SRPK2: variants seen among roughly 807,000 people sequenced by gnomAD.
The protein encoded by SRPK2 is SRSF protein kinase 2.
In SRPK2, 21 loss-of-function variants were observed where a neutral mutation model predicts 90.8. The ratio of observed to expected loss-of-function variants is 0.23; its 90% confidence interval spans 0.16 to 0.33. SRPK2 has a LOEUF of 0.33. Among genes scored for constraint, SRPK2 ranks in the 10% least tolerant of loss-of-function variants. The probability of loss-of-function intolerance (pLI) is 1.00; values close to 1 mark genes in which losing one functional copy is unlikely to be tolerated. For missense variants in SRPK2, 620 were observed against 869.0 expected (o/e 0.71, Z 3.60); for synonymous variants, 288 against 311.1 (o/e 0.93, Z 0.78).
intron 2 of SRPK2, among the ~76,000 whole-genome samples, chr7:105,208,540 C>T (rs547369873): frequency 7.1e-4 from 108 of 152,044 alleles, no homozygotes; most frequent in Non-Finnish European, 1.0e-3. Context: ...CAGAAAAGAC[C>T]GCAGGTTGTA....
intron 1 of SRPK2, among the ~76,000 whole-genome samples, chr7:105,394,790 T>C (rs1822276431): frequency 6.6e-6 from 1 of 152,198 alleles, no homozygotes; most frequent in African/African-American, 2.4e-5. Flanking sequence ...GGAGCTTACA[T>C]TCTACTGCCA....
chr7:105,390,424 C>T (rs543155695), upstream of SRPK2, among the ~76,000 whole-genome samples: 1 of 151,160 alleles, frequency 6.6e-6, no homozygotes, highest in South Asian at 2.1e-4. Context: ...TTTTGGTTTT[C>T]TTTCTATTTA....
intron 2 of SRPK2, among the ~76,000 whole-genome samples, chr7:105,361,166 T>G (rs1357499872): frequency 6.6e-6 from 1 of 152,132 alleles, no homozygotes; most frequent in Non-Finnish European, 1.5e-5. Flanking sequence ...AGCATTCTTA[T>G]ACACCTATAT....
Position 105,285,658 on chromosome 7 carries a change from A to G in SRPK2, c.72-81873T>C, listed in dbSNP as rs185576235. Among the ~76,000 whole-genome samples the G allele has an allele frequency of 2.6e-5, 4 of 152,246 alleles. No individual in the cohort carries two copies. The East Asian group carries it at 7.7e-4, about 29-fold the overall frequency. On this transcript the variant is annotated intron_variant, in intron 2 of 15. Transcript: ENST00000393651. Reference sequence around the variant, plus strand: ...TTCCCTTGGTGACAAGTGAGTTCACATGAGATCTGATTGTTTAAAAGTATC... The same window carrying G: ...TTCCCTTGGTGACAAGTGAGTTCACGTGAGATCTGATTGTTTAAAAGTATC...
intron 9 of SRPK2, chr7:105,143,846 A>G (rs1327037054): frequency 6.5e-6 from 1 of 153,360 alleles, no homozygotes; most frequent in African/African-American, 2.4e-5. Context: ...AGAAAAAGCT[A>G]CAGCTTTTGT....
chr7:105,317,040 C>T (rs1036342202), intron 2 of SRPK2, among the ~76,000 whole-genome samples: 1 of 152,190 alleles, frequency 6.6e-6, no homozygotes, highest in Admixed American at 6.5e-5. Flanking sequence ...AGAAGAGCAG[C>T]CAAAGCAACT....
At chr7:105,229,763 T>C (rs1303996170) in intron 2 of SRPK2, among the ~76,000 whole-genome samples, 1 of 149,982 alleles carries the variant, frequency 6.7e-6, no homozygotes, top group African/African-American at 2.5e-5. Flanking sequence ...TCAATATTCT[T>C]TCAAGTAAGA....
chr7:105,343,596 C>G (rs1816086502), intron 2 of SRPK2, among the ~76,000 whole-genome samples: 1 of 152,148 alleles, frequency 6.6e-6, no homozygotes, highest in African/African-American at 2.4e-5. Context: ...GCAAAGAACC[C>G]TTGTTCATAC....
chr7:105,136,259 T>G (rs796839076), intron 11 of SRPK2, among the ~76,000 whole-genome samples: 3 of 152,230 alleles, frequency 2.0e-5, no homozygotes, highest in African/African-American at 7.2e-5. Flanking sequence ...GTAAAAGAGA[T>G]TTTGCTTTTC....
At chr7:105,182,569 A>G (rs927191171) in intron 3 of SRPK2, among the ~76,000 whole-genome samples, 2 of 151,112 alleles carry the variant, frequency 1.3e-5, no homozygotes, top group Non-Finnish European at 2.9e-5. Flanking sequence ...CTTGTGTCTC[A>G]GTCTCCCAAG....
In SRPK2 at chr7:105,117,865, G is replaced by A. The variant is rs183444710; in HGVS notation, c.2073C>T (p.Cys691=). The stretch of plus-strand genomic sequence containing the variant: ...AAGAATTCAACCAAGGATGCCGAAG[G>A]CATTCGCCAGCTGAGGCTCGTTTTT... ...VPEKRASAGE[C]LRHPWLNS Residue 691 remains cysteine, a synonymous_variant, in exon 16 of 16, where the codon TGC becomes TGT. Transcript: ENST00000393651. 3.7e-6 allele frequency: 6 copies of A among 1,613,082 alleles called. No homozygotes were observed. In the East Asian group the frequency reaches 1.1e-4, roughly 30 times the overall value.
chr7:105,361,782 C>A (rs532557646), intron 2 of SRPK2, among the ~76,000 whole-genome samples: 180 of 152,210 alleles, frequency 1.2e-3, no homozygotes, highest in African/African-American at 4.0e-3. Flanking sequence ...ATGTAGAAAA[C>A]TGAAACTGGA....
chr7:105,384,419 T>C (rs1445915185), intron 2 of SRPK2, among the ~76,000 whole-genome samples: 2 of 152,184 alleles, frequency 1.3e-5, no homozygotes, highest in Admixed American at 1.3e-4. Context: ...AAGTAGCCTC[T>C]AGGAACTGGC....
intron 3 of SRPK2, among the ~76,000 whole-genome samples, chr7:105,179,879 G>A (rs1363592395): frequency 1.3e-5 from 2 of 149,460 alleles, no homozygotes; most frequent in African/African-American, 4.9e-5. Context: ...CAGCTAACCA[G>A]GGAAGTGAAA....
intron 2 of SRPK2, among the ~76,000 whole-genome samples, chr7:105,309,718 A>G (rs555166729): frequency 1.3e-5 from 2 of 152,292 alleles, no homozygotes; most frequent in East Asian, 3.9e-4. Context: ...AATATCTCCA[A>G]TTTTAAAGCA....
chr7:105,306,910 C>T (rs1811210206), intron 2 of SRPK2, among the ~76,000 whole-genome samples: 1 of 152,164 alleles, frequency 6.6e-6, no homozygotes, highest in Non-Finnish European at 1.5e-5. Context: ...TGGAGACTCA[C>T]ACTTATGGAA....
intron 3 of SRPK2, among the ~76,000 whole-genome samples, chr7:105,175,039 G>C (rs1409788637): frequency 2.0e-5 from 3 of 152,034 alleles, no homozygotes; most frequent in African/African-American, 7.2e-5. Flanking sequence ...CAGCTATTTG[G>C]GATGATGAGG....
intron 6 of SRPK2, among the ~76,000 whole-genome samples, chr7:105,161,949 C>A (rs571249319): frequency 6.6e-6 from 1 of 152,068 alleles, no homozygotes; most frequent in African/African-American, 2.4e-5. Context: ...GGTCTCACTA[C>A]GCTGTGCCAG....
chr7:105,252,528 A>G (rs1802614613), intron 2 of SRPK2, among the ~76,000 whole-genome samples: 1 of 152,224 alleles, frequency 6.6e-6, no homozygotes, highest in Non-Finnish European at 1.5e-5. Flanking sequence ...TCCTTCAATC[A>G]TATTAGCCAC....
Sources: allele counts gnomAD v4.1 joint callset (sites outside exome capture counted in the v4.1 genomes callset), GRCh38; gene constraint gnomAD v4.1.1; transcripts MANE v1.5; gene names NCBI Gene and HGNC (gene_info 2026-07-23, HGNC 2026-07-21).